The following NAA50 variants were observed in gnomAD, a reference collection of about 807,000 sequenced individuals.
The protein encoded by NAA50 is N-alpha-acetyltransferase 50, NatE catalytic subunit.
Under a neutral mutation model 20.7 loss-of-function variants are expected in NAA50, and 7 were observed. That is an observed-to-expected ratio of 0.34 (90% CI 0.19 to 0.63). NAA50 has a LOEUF of 0.63. Ranked by LOEUF, NAA50 falls within the 30% of genes least tolerant of loss-of-function variation. NAA50 has a pLI of 0.75. For synonymous variants in NAA50, 54 were observed against 70.6 expected (o/e 0.77, Z 1.18); for missense variants, 111 against 199.1 (o/e 0.56, Z 2.66).
intron 1 of NAA50, 80 bp downstream of exon 1, chr3:113,745,862 C>T: frequency 6.7e-7 from 1 of 1,499,792 alleles, no homozygotes. Flanking sequence ...TCTCTCCTCG[C>T]CTTTGCGGCT....
intron 1 of NAA50, among the ~76,000 whole-genome samples, chr3:113,738,262 A>G (rs967851062): frequency 2.8e-4 from 43 of 152,336 alleles, no homozygotes; most frequent in Middle Eastern, 3.4e-3. Flanking sequence ...GCTCCTTGCC[A>G]GCTTATGGCT....
chr3:113,730,763 T>TA (rs1184132112), intron 1 of NAA50, among the ~76,000 whole-genome samples: 8 of 152,238 alleles, frequency 5.3e-5, no homozygotes, highest in Admixed American at 5.2e-4. Context: ...TGCATATCAA[T>TA]AGCTCATTCC....
intron 1 of NAA50, among the ~76,000 whole-genome samples, chr3:113,726,739 G>A (rs1287591842): frequency 4.1e-5 from 6 of 146,046 alleles, no homozygotes; most frequent in African/African-American, 1.0e-4. Context: ...GCAAGACTCC[G>A]CCTCAAAAAA....
Position 113,721,620 on chromosome 3 carries a change from G to T in NAA50, c.*140C>A. 1 of 833,440 alleles carries T rather than the reference G, an allele frequency of 1.2e-6. No individual in the cohort carries two copies. Among genetic ancestry groups the T allele is most frequent in the Non-Finnish European group, 1.9e-6 (1 of 527,600 alleles). 51.6% of individuals were successfully genotyped at this position (833,440 alleles called of 1,614,324 possible). A position where few individuals can be genotyped will look rare whatever the true frequency, so the allele number is the denominator to read the frequency against. ...CCTTGAAAGTATTAAAACTCTCAGA[G>T]AAAAGGAAAGGAAGAAAGAAAAACA... On this transcript the variant is annotated 3_prime_UTR_variant, in exon 5 of 5. Coordinates refer to ENST00000240922, the MANE Select transcript of NAA50 (RefSeq NM_025146.4).
chr3:113,739,785 G>A (rs969578101), intron 1 of NAA50, among the ~76,000 whole-genome samples: 1 of 152,170 alleles, frequency 6.6e-6, no homozygotes, highest in African/African-American at 2.4e-5. Flanking sequence ...TACCATCTGG[G>A]ATGGGAAGTA....
At chr3:113,727,406 AAGCATACTTAC>A (rs1392309387) in intron 1 of NAA50, among the ~76,000 whole-genome samples, 2 of 152,220 alleles carry the variant, frequency 1.3e-5, no homozygotes, top group Non-Finnish European at 2.9e-5. Flanking sequence ...ACTAGGCTTC[AAGCATACTTAC>A]AGTTTTCAAA....
At chr3:113,743,628 G>A (rs762257223) in intron 1 of NAA50, among the ~76,000 whole-genome samples, 2 of 152,154 alleles carry the variant, frequency 1.3e-5, no homozygotes, top group Non-Finnish European at 2.9e-5. Flanking sequence ...CATCTCATCT[G>A]GGAGTTAGTT....
chr3:113,722,405 T>C (rs1022078500), intron 4 of NAA50, among the ~76,000 whole-genome samples: 16 of 152,154 alleles, frequency 1.1e-4, no homozygotes, highest in Non-Finnish European at 1.5e-4. Context: ...ATTCAATCTC[T>C]CACATGGCCA....
At chr3:113,734,186 G>C (rs182707976) in intron 1 of NAA50, among the ~76,000 whole-genome samples, 1 of 152,226 alleles carries the variant, frequency 6.6e-6, no homozygotes, top group East Asian at 1.9e-4. Flanking sequence ...ATTATCCTAA[G>C]TAAATTAAAG....
chr3:113,731,230 G>GT lies in NAA50; in HGVS notation c.9-7136dup, dbSNP rs766305625. 8.0e-4 allele frequency among the ~76,000 whole-genome samples: 121 copies of GT among 152,168 alleles called. 1 individual carries two copies. The highest frequency in any genetic ancestry group is 7.7e-4 in the East Asian group (4 of 5,192). On this transcript the variant is annotated intron_variant, in intron 1 of 4. Transcript: ENST00000240922. The stretch of plus-strand genomic sequence containing the variant: ...GGTGTATTATGGATACTTGTCATTT[G>GT]TAAGTTATGTATGTTGCAAAGAATT...
Position 113,719,234 on chromosome 3 carries a change from A to T in NAA50, c.*2526T>A, listed in dbSNP as rs1221849429. On this transcript the variant is annotated 3_prime_UTR_variant, in exon 5 of 5. Transcript: ENST00000240922. ...AGATATTTCAGAACTTCATTCCCCA[A>T]ATGAAAGCTAATCTGGACAAACTAT... 1 of 152,572 alleles carries T rather than the reference A, an allele frequency of 6.6e-6. No individual in the cohort carries two copies. The highest frequency in any genetic ancestry group is 1.5e-5 in the Non-Finnish European group (1 of 68,008). 9.5% of individuals were successfully genotyped at this position (152,572 alleles called of 1,614,324 possible). A position where few individuals can be genotyped will look rare whatever the true frequency, so the allele number is the denominator to read the frequency against.
rs997837382 is a variant in NAA50, at chr3:113,728,578, CTAAAACA to C, written c.9-4490_9-4484del. Among the ~76,000 whole-genome samples, 8 of 152,274 alleles carry C rather than the reference CTAAAACA, an allele frequency of 5.3e-5. No individual in the cohort carries two copies. The East Asian group carries it at 7.7e-4, about 15-fold the overall frequency. On this transcript the variant is annotated intron_variant, in intron 1 of 4. Coordinates refer to ENST00000240922, the MANE Select transcript of NAA50 (RefSeq NM_025146.4). ...CCGAAAATCAGTCAGTTTGATATGG[CTAAAACA>C]TCAAGTATGCTTGTGTATAAATGCG...
At chr3:113,745,176 C>T (rs939208322) in intron 1 of NAA50, among the ~76,000 whole-genome samples, 2 of 152,172 alleles carry the variant, frequency 1.3e-5, no homozygotes, top group Admixed American at 6.5e-5. Flanking sequence ...AAAATAATTC[C>T]TAATTTTACG....
At chr3:113,724,663 G>GA (rs1207881347) in intron 1 of NAA50, 1 of 152,206 alleles carries the variant, frequency 6.6e-6, no homozygotes, top group Non-Finnish European at 1.5e-5. Flanking sequence ...ACCCCAGGAT[G>GA]AAAACTATCC....
Position 113,723,555 on chromosome 3 carries a change from CATAAAG to C in NAA50, c.146-20_146-15del. On this transcript the variant is annotated splice_polypyrimidine_tract_variant and intron_variant, in intron 2 of 4. Transcript: ENST00000240922. ...CATTGAAATAGGCTGCCAAGGAAAA[CATAAAG>C]ATATAATGTTGAACAGACAGAATAA... 6.3e-7 allele frequency: 1 copy of C among 1,597,082 alleles called. No homozygotes were observed. The highest frequency in any genetic ancestry group is 8.5e-7 in the Non-Finnish European group (1 of 1,172,890).
intron 1 of NAA50, among the ~76,000 whole-genome samples, chr3:113,740,196 A>AT (rs976127083): frequency 2.0e-5 from 3 of 152,054 alleles, no homozygotes; most frequent in South Asian, 2.1e-4. Context: ...TACCTTAAAA[A>AT]TTTTTTTTAT....
intron 1 of NAA50, among the ~76,000 whole-genome samples, chr3:113,728,993 T>C (rs1187630943): frequency 1.3e-5 from 2 of 151,912 alleles, no homozygotes; most frequent in African/African-American, 2.4e-5. Context: ...CTTTTCTTTT[T>C]TTTTTTTTTT....
intron 1 of NAA50, among the ~76,000 whole-genome samples, chr3:113,727,140 T>C (rs1357501321): frequency 6.6e-6 from 1 of 152,204 alleles, no homozygotes; most frequent in Non-Finnish European, 1.5e-5. Flanking sequence ...GATCACATCT[T>C]ACCTACACTG....
Position 113,720,830 on chromosome 3 carries a change from A to G in NAA50, c.*930T>C, listed in dbSNP as rs1708126164. The G allele has an allele frequency of 6.6e-6, 1 of 152,418 alleles. No homozygotes were observed. Among genetic ancestry groups the G allele is most frequent in the Non-Finnish European group, 1.5e-5 (1 of 68,010 alleles). The allele number at this position is 152,418 out of a possible 1,614,324, so 9.4% of individuals were successfully genotyped here. On this transcript the variant is annotated 3_prime_UTR_variant, in exon 5 of 5. Transcript: ENST00000240922. ...TTTTAGGTATTTTTTAGTATGTCCA[A>G]GAGAAAACACCTGCTTCAGGTTTAT...
Sources: gnomAD v4.1 joint callset for allele counts (sites outside exome capture counted in the v4.1 genomes callset) on GRCh38, gnomAD v4.1.1 for gene constraint, MANE v1.5 for transcripts, NCBI Gene and HGNC (gene_info 2026-07-23, HGNC 2026-07-21) for gene names.